The following PBK variants were observed in gnomAD, a reference collection of about 807,000 sequenced individuals.
The protein encoded by PBK is PDZ binding kinase.
Under a neutral mutation model 33.5 loss-of-function variants are expected in PBK, and 22 were observed. The observed-to-expected ratio is 0.66, with a 90% CI of 0.47 to 0.94. The LOEUF is 0.94. Ranked by LOEUF, PBK falls within the 40% of genes least tolerant of loss-of-function variation. The probability of loss-of-function intolerance (pLI) is 0.00; values close to 1 mark genes in which losing one functional copy is unlikely to be tolerated. For synonymous variants in PBK, 129 were observed against 123.8 expected, an observed-to-expected ratio of 1.04 and a Z score of -0.28; for missense variants, 376 against 383.4, an observed-to-expected ratio of 0.98 and a Z score of 0.16.
chr8:27,831,545 AGAACATT>A (rs1465199523), intron 2 of PBK, among the ~76,000 whole-genome samples: 3 of 109,108 alleles, frequency 2.7e-5, no homozygotes, highest in African/African-American at 1.3e-4. Flanking sequence ...TGACATTTGT[AGAACATT>A]GACATTTGTA....
intron 5 of PBK, 64 bp from the exon 6 acceptor site, chr8:27,820,758 C>A: frequency 3.5e-6 from 3 of 863,922 alleles, no homozygotes; most frequent in Non-Finnish European, 5.3e-6. Context: ...AATGTGATAA[C>A]CTCCAAATAT....
chr8:27,828,824 A>G (rs563337918), intron 2 of PBK, among the ~76,000 whole-genome samples: 5 of 151,952 alleles, frequency 3.3e-5, no homozygotes, highest in Non-Finnish European at 7.4e-5. Flanking sequence ...CTACTCCTGG[A>G]CAATTAACTG....
At chr8:27,829,141 GT>G (rs1269111749) in intron 2 of PBK, among the ~76,000 whole-genome samples, 1 of 152,172 alleles carries the variant, frequency 6.6e-6, no homozygotes, top group African/African-American at 2.4e-5. Flanking sequence ...GATCTGAACA[GT>G]TTCTCTTTGA....
intron 6 of PBK, among the ~76,000 whole-genome samples, chr8:27,813,805 G>T (rs1195831495): frequency 6.6e-6 from 1 of 152,176 alleles, no homozygotes; most frequent in African/African-American, 2.4e-5. Flanking sequence ...ATAAGTCCTA[G>T]TTGGTCAAGA....
intron 1 of PBK, among the ~76,000 whole-genome samples, chr8:27,834,092 A>T (rs1009790318): frequency 1.4e-4 from 20 of 147,624 alleles, no homozygotes; most frequent in African/African-American, 4.8e-4. Flanking sequence ...CAGTGGCATG[A>T]TCTCGACTCA....
intron 5 of PBK, among the ~76,000 whole-genome samples, chr8:27,821,195 G>C (rs954442837): frequency 1.3e-5 from 2 of 152,076 alleles, no homozygotes; most frequent in African/African-American, 4.8e-5. Context: ...CTGACCAGAA[G>C]TCTAAAAGTT....
In PBK at chr8:27,820,611, TTTAA is replaced by T. The variant is rs758125261; in HGVS notation, c.545_548del (p.Ile182LysfsTer5). On this transcript the variant is annotated frameshift_variant, in exon 6 of 8. Coordinates refer to ENST00000301905, the MANE Select transcript of PBK (RefSeq NM_018492.4). LOFTEE classifies it high-confidence loss of function. ...GTAGAGAGACTCCTACATCACAGAT[TTTAA>T]TTGTTTCAAAATCGCCTTTAATTAC... 10 of 1,574,890 alleles carry T rather than the reference TTTAA, an allele frequency of 6.3e-6. No individual in the cohort carries two copies. The South Asian group carries it at 9.0e-5, about 14-fold the overall frequency.
intron 6 of PBK, among the ~76,000 whole-genome samples, chr8:27,817,483 C>A (rs1805840592): frequency 1.3e-5 from 2 of 151,466 alleles, no homozygotes; most frequent in African/African-American, 2.4e-5. Flanking sequence ...GTGTTAGTAT[C>A]TTTTATTAGG....
chr8:27,836,918 G>A (rs551621616), intron 1 of PBK, among the ~76,000 whole-genome samples: 1 of 152,286 alleles, frequency 6.6e-6, no homozygotes, highest in South Asian at 2.1e-4. Flanking sequence ...TGCACACTCA[G>A]GTTTAGGCAT....
intron 6 of PBK, among the ~76,000 whole-genome samples, chr8:27,816,146 A>T (rs1340637941): frequency 3.3e-5 from 5 of 151,934 alleles, no homozygotes; most frequent in African/African-American, 1.2e-4. Context: ...TGTGTTTATA[A>T]TTCCTTGTAT....
At chr8:27,821,102 A>T (rs1358383309) in intron 5 of PBK, among the ~76,000 whole-genome samples, 1 of 152,128 alleles carries the variant, frequency 6.6e-6, no homozygotes, top group Non-Finnish European at 1.5e-5. Context: ...TGCTGGGATT[A>T]CAGGTATGAG....
In PBK at chr8:27,810,568, C is replaced by T. The variant is rs1805657738; in HGVS notation, c.773-67G>A. On this transcript the variant is annotated intron_variant, in intron 7 of 7. Coordinates refer to ENST00000301905, the MANE Select transcript of PBK (RefSeq NM_018492.4). The stretch of plus-strand genomic sequence containing the variant: ...TATGTCATGGAAAAGTTTAATAGCT[C>T]ACCCTTCTCCTGAAACAAGAATTTA... The T allele has an allele frequency of 1.0e-5, 9 of 858,842 alleles. No homozygotes were observed. The East Asian group carries it at 2.0e-4, about 19-fold the overall frequency. The allele number at this position is 858,842 out of a possible 1,614,324, so 53.2% of individuals were successfully genotyped here. A position where few individuals can be genotyped will look rare whatever the true frequency, so the allele number is the denominator to read the frequency against.
chr8:27,813,623 A>AT (rs999611258), intron 6 of PBK, among the ~76,000 whole-genome samples: 2 of 152,226 alleles, frequency 1.3e-5, no homozygotes, highest in Non-Finnish European at 2.9e-5. Flanking sequence ...TATAGTTACC[A>AT]TTTTTTTGTG....
chr8:27,833,019 A>C (rs2128965917), intron 2 of PBK, 37 bp downstream of exon 2: 2 of 1,224,122 alleles, frequency 1.6e-6, no homozygotes, highest in South Asian at 2.6e-5. Context: ...GAGAAACAAC[A>C]ATAGTAAAAA....
chr8:27,814,420 T>G (rs2128961704), intron 6 of PBK, among the ~76,000 whole-genome samples: 1 of 152,274 alleles, frequency 6.6e-6, no homozygotes, highest in African/African-American at 2.4e-5. Flanking sequence ...TTCTCTTTTT[T>G]CTTGATCAGT....
Position 27,822,312 on chromosome 8 carries a change from T to C in PBK, c.465+7A>G. ...AGAAGTCATTTAAAATATAATGACA[T>C]AGTTACCTTTAACCCTCTTGCCATA... is the stretch of plus-strand genomic sequence containing the variant. On this transcript the variant is annotated splice_region_variant and intron_variant, in intron 5 of 7. Transcript: ENST00000301905. 6.4e-7 allele frequency: 1 copy of C among 1,569,118 alleles called. No homozygotes were observed. Among genetic ancestry groups the C allele is most frequent in the Non-Finnish European group, 8.7e-7 (1 of 1,148,630 alleles).
chr8:27,837,074 A>G (rs977514594), intron 1 of PBK, among the ~76,000 whole-genome samples: 1 of 152,184 alleles, frequency 6.6e-6, no homozygotes, highest in Non-Finnish European at 1.5e-5. Context: ...CAGCAAAAAA[A>G]ACAGTGAATA....
At chr8:27,823,600 AAAG>A (rs1419892749) in intron 3 of PBK, among the ~76,000 whole-genome samples, 5 of 152,082 alleles carry the variant, frequency 3.3e-5, no homozygotes, top group African/African-American at 9.7e-5. Context: ...TAGGAAATTT[AAAG>A]AAGAGATAAT....
In PBK at chr8:27,827,412, T is replaced by A. The variant is rs140033513; in HGVS notation, c.152+693A>T. 7.5e-3 allele frequency among the ~76,000 whole-genome samples: 1,137 copies of A among 152,268 alleles called. 13 individuals are homozygous for A. Among genetic ancestry groups the A allele is most frequent in the African/African-American group, 0.026 (1,080 of 41,550 alleles). On this transcript the variant is annotated intron_variant, in intron 3 of 7. Transcript: ENST00000301905. Reference sequence around the variant, plus strand: ...AAATACAAAAATTAGCTGGGTGTGATGGTACACGCCTGTAATCCCAGCTAT... The same window carrying A: ...AAATACAAAAATTAGCTGGGTGTGAAGGTACACGCCTGTAATCCCAGCTAT...
Sources: allele counts gnomAD v4.1 joint callset (sites outside exome capture counted in the v4.1 genomes callset), GRCh38; gene constraint gnomAD v4.1.1; transcripts MANE v1.5; gene names NCBI Gene and HGNC (gene_info 2026-07-23, HGNC 2026-07-21).